The following SLC6A2 variants were observed in gnomAD, a reference collection of about 807,000 sequenced individuals.
SLC6A2 encodes solute carrier family 6 member 2, also known as sodium-dependent noradrenaline transporter.
In SLC6A2, 26 loss-of-function variants were observed where a neutral mutation model predicts 71.7. That is an observed-to-expected ratio of 0.36 (90% CI 0.27 to 0.50). The LOEUF is 0.50. Ranked by LOEUF, SLC6A2 falls within the 20% of genes least tolerant of loss-of-function variation. The probability of loss-of-function intolerance (pLI) is 0.96; values close to 1 mark genes in which losing one functional copy is unlikely to be tolerated. For synonymous variants in SLC6A2, 363 were observed against 337.9 expected, an observed-to-expected ratio of 1.07 and a Z score of -0.82; for missense variants, 581 against 803.9, an observed-to-expected ratio of 0.72 and a Z score of 3.35.
At chr16:55,692,178 T>G in intron 6 of SLC6A2, 126 bp downstream of exon 6, 1 of 1,130,486 alleles carries the variant, frequency 8.8e-7, no homozygotes, top group Non-Finnish European at 1.3e-6. Flanking sequence ...ACAGGATCCT[T>G]CCCTGTCTGA....
chr16:55,694,052 G>A lies in SLC6A2; in HGVS notation c.961G>A (p.Ala321Thr). ...AATQIFFSLGAGFGVLIAFAS... is the reference protein window; with the variant it reads ...AATQIFFSLGTGFGVLIAFAS... ...AACTCAGATATTTTTTTCCTTGGGG[G>A]CTGGATTTGGAGTATTGATTGCATT... Residue 321 changes from alanine (A) to threonine (T), a missense_variant, in exon 7 of 15, where the codon GCT (alanine) becomes ACT (threonine). Ala to Thr is a moderately conservative substitution (Grantham distance 58). Coordinates refer to ENST00000568943, the MANE Select transcript of SLC6A2 (RefSeq NM_001172501.3). 1.9e-6 allele frequency: 3 copies of A among 1,613,940 alleles called. No individual in the cohort carries two copies. The highest frequency in any genetic ancestry group is 2.5e-6 in the Non-Finnish European group (3 of 1,179,796).
At position 55,656,717 on chromosome 16, in the gene SLC6A2, C is replaced by T. The variant is rs1352240042; in HGVS notation, c.23C>T (p.Pro8Leu). 11 of 1,612,672 alleles carry T rather than the reference C, an allele frequency of 6.8e-6. No individual in the cohort carries two copies. The South Asian group carries it at 1.2e-4, about 18-fold the overall frequency. Residue 8 changes from proline (P) to leucine (L), a missense_variant, in exon 2 of 15, where the codon CCG becomes CTG. Physicochemically the swap from Pro to Leu is moderately conservative, Grantham distance 98 (BLOSUM62 -3). Coordinates refer to ENST00000568943, the MANE Select transcript of SLC6A2 (RefSeq NM_001172501.3). This position sits in a 1 kb window ranked among gnomAD's most constrained non-coding sequence, Gnocchi z 4.5. MLLARMN[P>L]QVQPENNGAD... ...TCCATGCTTCTGGCGCGGATGAACC[C>T]GCAGGTGCAGCCCGAGAACAACGGG...
At chr16:55,689,056 T>C (rs532668273) in intron 5 of SLC6A2, among the ~76,000 whole-genome samples, 1 of 152,202 alleles carries the variant, frequency 6.6e-6, no homozygotes, top group Admixed American at 6.5e-5. Context: ...CTTGATGTTG[T>C]GCTCAAAATT....
At chr16:55,668,900 C>G (rs540373497) in intron 2 of SLC6A2, among the ~76,000 whole-genome samples, 1 of 152,320 alleles carries the variant, frequency 6.6e-6, no homozygotes, top group East Asian at 1.9e-4. Flanking sequence ...GCTTCCATCA[C>G]CTACCAGCAG....
At position 55,656,650 on chromosome 16, in the gene SLC6A2, G is replaced by A; in HGVS notation, c.-45G>A. 6.2e-7 allele frequency: 1 copy of A among 1,610,032 alleles called. No homozygotes were observed. Among genetic ancestry groups the A allele is most frequent in the Non-Finnish European group, 8.5e-7 (1 of 1,179,452 alleles). Reference sequence around the variant, plus strand: ...TTTCCCTTTATCCAAGCAGAGCCTCGGCGTGCCCCCAGGACCGGTAAAGTT... The same window carrying A: ...TTTCCCTTTATCCAAGCAGAGCCTCAGCGTGCCCCCAGGACCGGTAAAGTT... On this transcript the variant is annotated 5_prime_UTR_variant, in exon 2 of 15. Transcript: ENST00000568943. This position sits in a 1 kb window ranked among gnomAD's most constrained non-coding sequence, Gnocchi z 4.5.
At chr16:55,701,494 CA>C (rs1965969984) in intron 13 of SLC6A2, among the ~76,000 whole-genome samples, 1 of 152,204 alleles carries the variant, frequency 6.6e-6, no homozygotes. Flanking sequence ...CTTCCTTCCA[CA>C]CTCTCCCTGC....
At chr16:55,670,099 T>C (rs761683179) in intron 3 of SLC6A2, among the ~76,000 whole-genome samples, 24 of 152,214 alleles carry the variant, frequency 1.6e-4, no homozygotes, top group Non-Finnish European at 2.9e-4. Context: ...CTTAGTACAA[T>C]AGCCACAACT....
rs1282393750 is a variant in SLC6A2, at chr16:55,685,217, G to C, written c.719G>C (p.Cys240Ser). 6.2e-7 allele frequency: 1 copy of C among 1,614,050 alleles called. No homozygotes were observed. Among genetic ancestry groups the C allele is most frequent in the African/African-American group, 1.3e-5 (1 of 74,928 alleles). Residue 240 changes from cysteine (C) to serine (S), a missense_variant, in exon 5 of 15, where the codon TGT (cysteine) becomes TCT (serine). Transcript: ENST00000568943. ...IGLPQWQLLL[C>S]LMVVVIVLYF... ...CTGCCCCAGTGGCAGCTCTTGCTCT[G>C]TCTGATGGTCGTCGTCATCGTCTTG...
chr16:55,697,257 A>T (rs2142614335), intron 9 of SLC6A2, among the ~76,000 whole-genome samples: 1 of 152,308 alleles, frequency 6.6e-6, no homozygotes, highest in Admixed American at 6.5e-5. Context: ...CTTATAATGA[A>T]GAATACTGAT....
In SLC6A2 at chr16:55,703,898, C is replaced by G; in HGVS notation, c.*1552C>G. 5.4e-6 allele frequency: 4 copies of G among 735,146 alleles called. No homozygotes were observed. The highest frequency in any genetic ancestry group is 6.6e-6 in the Non-Finnish European group (4 of 601,876). The allele number at this position is 735,146 out of a possible 1,614,324, so 45.5% of individuals were successfully genotyped here. On this transcript the variant is annotated 3_prime_UTR_variant, in exon 15 of 15. Transcript: ENST00000568943. The stretch of plus-strand genomic sequence containing the variant: ...GGGAGATGGTTTTGTCTCCCAGGGT[C>G]CTGAGGTTTCCTTGCTGGGTCGGGG...
At chr16:55,699,685 G>T in intron 12 of SLC6A2, 31 bp downstream of exon 12, 1 of 1,441,070 alleles carries the variant, frequency 6.9e-7, no homozygotes, top group Non-Finnish European at 9.8e-7. Flanking sequence ...AGTCCTGCAT[G>T]TGGGGAGGGG....
At chr16:55,695,609 C>A (rs1016935739) in intron 8 of SLC6A2, among the ~76,000 whole-genome samples, 1 of 152,200 alleles carries the variant, frequency 6.6e-6, no homozygotes, top group African/African-American at 2.4e-5. Flanking sequence ...GGAGAACCTT[C>A]CTCTGAGTCA....
rs1371031794 is a variant in SLC6A2 at position 55,698,169 on chromosome 16, A to G, written c.1389+144A>G. On this transcript the variant is annotated intron_variant, in intron 10 of 14. Transcript: ENST00000568943. ...CATCCTCAATTCAGCGGCCTGACCC[A>G]CTAGGGTTAGGCCCAGTAGTCTTCT... 4 of 898,420 alleles carry G rather than the reference A, an allele frequency of 4.5e-6. No individual in the cohort carries two copies. In the East Asian group the frequency reaches 9.7e-5, roughly 22 times the overall value. 55.7% of individuals were successfully genotyped at this position (898,420 alleles called of 1,614,324 possible).
chr16:55,694,764 G>T (rs1279064296), intron 7 of SLC6A2, among the ~76,000 whole-genome samples: 4 of 152,200 alleles, frequency 2.6e-5, no homozygotes, highest in African/African-American at 9.7e-5. Flanking sequence ...GCATGGAGGT[G>T]AATTTGAGAT....
rs752434922 is a variant in SLC6A2 at position 55,672,041 on chromosome 16, C to T, written c.510C>T (p.Asn170=). The T allele has an allele frequency of 8.3e-5, 134 of 1,614,106 alleles. No homozygotes were observed. The highest frequency in any genetic ancestry group is 1.1e-4 in the Non-Finnish European group (131 of 1,180,046). The part of the protein sequence containing the change: ...LYYLFSSFTL[N]LPWTDCGHTW... ...ACCTCTTCTCCTCCTTCACCCTCAA[C>T]CTGCCCTGGACCGACTGTGGCCACA... Residue 170 remains asparagine (N), a synonymous_variant, in exon 4 of 15, where the codon AAC becomes AAT. Transcript: ENST00000568943.
chr16:55,686,035 A>G (rs1439825803), intron 5 of SLC6A2, among the ~76,000 whole-genome samples: 4 of 152,194 alleles, frequency 2.6e-5, no homozygotes, highest in Admixed American at 6.5e-5. Flanking sequence ...GAGGATATGG[A>G]TGGGAAATTT....
At chr16:55,684,906 G>A (rs36017) in intron 4 of SLC6A2, among the ~76,000 whole-genome samples, 25 of 152,144 alleles carry the variant, frequency 1.6e-4, no homozygotes, top group Middle Eastern at 3.4e-3. Context: ...AGCCATGAGC[G>A]TGGAATCTCC....
rs1965655777 is a variant in SLC6A2, at chr16:55,692,201, C to T, written c.918+149C>T. 3.2e-6 allele frequency: 3 copies of T among 929,930 alleles called. No individual in the cohort carries two copies. In the Admixed American group the frequency reaches 5.6e-5, roughly 17 times the overall value. The allele number at this position is 929,930 out of a possible 1,614,324, so 57.6% of individuals were successfully genotyped here. A position where few individuals can be genotyped will look rare whatever the true frequency, so the allele number is the denominator to read the frequency against. On this transcript the variant is annotated intron_variant, in intron 6 of 14. Coordinates refer to ENST00000568943, the MANE Select transcript of SLC6A2 (RefSeq NM_001172501.3). ...CTTCCCTGTCTGAGGTGCAGCTTCC[C>T]CATCTGACCAATGCGGATTTGCACC...
intron 2 of SLC6A2, among the ~76,000 whole-genome samples, chr16:55,658,266 C>A (rs1964514144): frequency 6.6e-6 from 1 of 152,114 alleles, no homozygotes; most frequent in South Asian, 2.1e-4. Flanking sequence ...AATCCTAGCA[C>A]TTTGGAAGGA....
Sources: allele counts gnomAD v4.1 joint callset (sites outside exome capture counted in the v4.1 genomes callset), GRCh38; gene constraint gnomAD v4.1.1; non-coding constraint Gnocchi (gnomAD v3.1); transcripts MANE v1.5; gene names NCBI Gene and HGNC (gene_info 2026-07-23, HGNC 2026-07-21).